The following FBXW10B variants were observed in gnomAD, a reference collection of about 807,000 sequenced individuals.
The protein encoded by FBXW10B is F-box and WD repeat domain containing 10B.
chr17:15,576,273 A>C, the FBXW10B span, among the ~76,000 whole-genome samples: 42 of 152,346 alleles, frequency 2.8e-4, no homozygotes, highest in Middle Eastern at 3.4e-3. Flanking sequence ...AATATTTTAG[A>C]ATCAAATAAT....
At chr17:15,593,731 T>C in the FBXW10B span, among the ~76,000 whole-genome samples, 49,207 of 151,094 alleles carry the variant, frequency 0.33, 8,568 homozygotes, top group African/African-American at 0.45. Context: ...CAGACACAAG[T>C]GATTCTCCTG....
At chr17:15,617,189 T>C in the FBXW10B span, among the ~76,000 whole-genome samples, 1 of 152,210 alleles carries the variant, frequency 6.6e-6, no homozygotes, top group African/African-American at 2.4e-5. Context: ...CATTCTTCCA[T>C]ACCCCTGACA....
the FBXW10B span, among the ~76,000 whole-genome samples, chr17:15,581,371 G>C: frequency 2.0e-5 from 3 of 152,204 alleles, no homozygotes; most frequent in African/African-American, 7.2e-5. Context: ...ACATACTCAT[G>C]GCCCAGAATC....
the FBXW10B span, among the ~76,000 whole-genome samples, chr17:15,575,322 G>A: frequency 1.4e-5 from 2 of 139,462 alleles, no homozygotes; most frequent in Non-Finnish European, 2.9e-5. Flanking sequence ...GAGGTTGTGG[G>A]GCCTGAGGGC....
the FBXW10B span, among the ~76,000 whole-genome samples, chr17:15,596,875 T>C: frequency 6.6e-6 from 1 of 152,058 alleles, no homozygotes; most frequent in African/African-American, 2.4e-5. Context: ...TGAATACAGG[T>C]GGTTGAGGGA....
At chr17:15,581,633 C>T in the FBXW10B span, among the ~76,000 whole-genome samples, 1 of 151,408 alleles carries the variant, frequency 6.6e-6, no homozygotes, top group Non-Finnish European at 1.5e-5. Flanking sequence ...CCTAACCAGG[C>T]CGGCCGCAGT....
chr17:15,601,297 T>C, the FBXW10B span, among the ~76,000 whole-genome samples: 1 of 147,658 alleles, frequency 6.8e-6, no homozygotes, highest in South Asian at 2.1e-4. Flanking sequence ...TAGTCCCAGC[T>C]ACTCGGGAGG....
chr17:15,603,297 C>A, the FBXW10B span, among the ~76,000 whole-genome samples: 68 of 151,972 alleles, frequency 4.5e-4, no homozygotes, highest in African/African-American at 1.6e-3. Context: ...TCATCTGCAC[C>A]GTTGGCTCTC....
the FBXW10B span, among the ~76,000 whole-genome samples, chr17:15,618,789 G>A: frequency 6.6e-6 from 1 of 152,138 alleles, no homozygotes; most frequent in African/African-American, 2.4e-5. Context: ...ACTTCCTCCT[G>A]CATTGATCAT....
the FBXW10B span, among the ~76,000 whole-genome samples, chr17:15,611,117 G>A: frequency 9.4e-5 from 14 of 149,296 alleles, no homozygotes; most frequent in East Asian, 1.6e-3. Context: ...TCCGCCTCCC[G>A]GGTTCACACC....
the FBXW10B span, among the ~76,000 whole-genome samples, chr17:15,590,201 G>A: frequency 1.3e-5 from 2 of 151,790 alleles, no homozygotes; most frequent in East Asian, 3.9e-4. Context: ...TCCCCTCCTG[G>A]AGTCATTGTG....
the FBXW10B span, chr17:15,593,530 C>T: frequency 6.2e-7 from 1 of 1,608,224 alleles, no homozygotes; most frequent in Non-Finnish European, 8.5e-7. Context: ...AGTACCCATC[C>T]TCTCATAAAA....
chr17:15,579,806 C>G, the FBXW10B span, among the ~76,000 whole-genome samples: 1 of 152,148 alleles, frequency 6.6e-6, no homozygotes, highest in African/African-American at 2.4e-5. Context: ...TAAATAGGCA[C>G]CAAATTAAAG....
chr17:15,591,008 TA>T, the FBXW10B span, among the ~76,000 whole-genome samples: 8 of 152,014 alleles, frequency 5.3e-5, no homozygotes, highest in African/African-American at 1.9e-4. Flanking sequence ...AGGAGACTGG[TA>T]TGGGCAGTTC....
the FBXW10B span, among the ~76,000 whole-genome samples, chr17:15,599,830 T>C: frequency 6.6e-6 from 1 of 151,944 alleles, no homozygotes; most frequent in Admixed American, 6.6e-5. Context: ...CTGAAGTCCA[T>C]TCCCAGGGCC....
chr17:15,607,527 A>C, the FBXW10B span: 1 of 1,567,114 alleles, frequency 6.4e-7, no homozygotes, highest in Non-Finnish European at 8.7e-7. Flanking sequence ...GTCAGTGTGG[A>C]TAACTCAAGC....
chr17:15,596,991 C>T, the FBXW10B span, among the ~76,000 whole-genome samples: 7 of 151,570 alleles, frequency 4.6e-5, no homozygotes, highest in Admixed American at 2.6e-4. Flanking sequence ...CTGAAAAATG[C>T]TTGCTATCGA....
chr17:15,592,298 T>A, the FBXW10B span, among the ~76,000 whole-genome samples: 2 of 62,668 alleles, frequency 3.2e-5, no homozygotes, highest in Admixed American at 1.6e-4. Context: ...GGCCAGAGTT[T>A]TTTTTTTTTT....
At chr17:15,593,490 A>T in the FBXW10B span, 4 of 1,613,966 alleles carry the variant, frequency 2.5e-6, no homozygotes, top group African/African-American at 5.3e-5. Context: ...CACGTCGAGC[A>T]CCTCTCTGGA....
Sources: gnomAD v4.1 joint callset for allele counts (sites outside exome capture counted in the v4.1 genomes callset) on GRCh38, gnomAD v4.1.1 for gene constraint, MANE v1.5 for transcripts, NCBI Gene and HGNC (gene_info 2026-07-23, HGNC 2026-07-21) for gene names.